PHKG2: variants seen among roughly 807,000 people sequenced by gnomAD.
The protein encoded by PHKG2 is phosphorylase b kinase gamma catalytic chain, liver/testis isoform.
Under a neutral mutation model 44.5 loss-of-function variants are expected in PHKG2, and 28 were observed. That is an observed-to-expected ratio of 0.63 (90% CI 0.47 to 0.86). PHKG2 has a LOEUF of 0.86. PHKG2 is among the 40% of genes least tolerant of loss of function. The pLI, the probability that PHKG2 is intolerant of heterozygous loss-of-function variation, is 0.00. For synonymous variants in PHKG2, 220 were observed against 211.2 expected (o/e 1.04, Z -0.36); for missense variants, 498 against 547.5 (o/e 0.91, Z 0.90).
rs2053556296 is a variant in PHKG2, at chr16:30,758,993, G to A, written c.*1896G>A. The A allele has an allele frequency of 6.2e-7, 1 of 1,614,062 alleles. No homozygotes were observed. The highest frequency in any genetic ancestry group is 8.5e-7 in the Non-Finnish European group (1 of 1,179,972). On this transcript the variant is annotated 3_prime_UTR_variant, in exon 10 of 10. Transcript: ENST00000563588. ...CCTGCTCAGAGGGACAGGGCAGCCTGCCCTCTCCAGATCCTCACTTGGCTC... is the reference window on the plus strand; with the variant it reads ...CCTGCTCAGAGGGACAGGGCAGCCTACCCTCTCCAGATCCTCACTTGGCTC...
chr16:30,760,386 G>A lies in PHKG2; in HGVS notation c.*3289G>A, dbSNP rs769218304. 1 of 1,614,070 alleles carries A rather than the reference G, an allele frequency of 6.2e-7. No individual in the cohort carries two copies. Among genetic ancestry groups the A allele is most frequent in the African/African-American group, 1.3e-5 (1 of 74,926 alleles). On this transcript the variant is annotated 3_prime_UTR_variant, in exon 10 of 10. Transcript: ENST00000563588. ...CAGAAAATGAGCGCGTGGCAGAAGA[G>A]GTCCAGGGTGATGGCGTCCCTCAGG...
At chr16:30,749,052 G>GCTGC (rs1567259376) in intron 2 of PHKG2, 137 bp downstream of exon 2, 1 of 139,498 alleles carries the variant, frequency 7.2e-6, no homozygotes, top group Non-Finnish European at 1.5e-5. Flanking sequence ...GGTGGTGGTG[G>GCTGC]TGGTGGTGGT....
chr16:30,756,987 G>A lies in PHKG2; in HGVS notation c.1111G>A (p.Ala371Thr). The change falls in exon 10 of 10, where the codon GCG becomes ACG. Residue 371 changes from alanine (A) to threonine (T), a missense_variant. Coordinates refer to ENST00000563588, the MANE Select transcript of PHKG2 (RefSeq NM_000294.3). The stretch of plus-strand genomic sequence containing the variant: ...AAAGAAAGGGGAGCAGCAGAACCGG[G>A]CGGCTCTCTTTCAGCACCGGCCCCC... ...WVKKGEQQNR[A>T]ALFQHRPPGP... 6.2e-7 allele frequency: 1 copy of A among 1,612,324 alleles called. No homozygotes were observed. The highest frequency in any genetic ancestry group is 8.5e-7 in the Non-Finnish European group (1 of 1,180,026).
rs2053575776 is a variant in PHKG2, at chr16:30,759,306, G to A, written c.*2209G>A. 6.2e-7 allele frequency: 1 copy of A among 1,612,684 alleles called. No homozygotes were observed. The highest frequency in any genetic ancestry group is 8.5e-7 in the Non-Finnish European group (1 of 1,178,852). ...TGCACCTGTGCTGAGGGGAGGGGCG[G>A]TTGAGGGTGGCTCCTCATGGTCCAC... On this transcript the variant is annotated 3_prime_UTR_variant, in exon 10 of 10. Coordinates refer to ENST00000563588, the MANE Select transcript of PHKG2 (RefSeq NM_000294.3).
At position 30,748,488 on chromosome 16, in the gene PHKG2, C is replaced by G. The variant is rs534374752; in HGVS notation, c.-21C>G. Reference sequence around the variant, plus strand: ...ACCCTGGCTCCTCTGCCTGCCCCCTCAGGTGAGCCTGCGCTAGACCCCCGT... The same window carrying G: ...ACCCTGGCTCCTCTGCCTGCCCCCTGAGGTGAGCCTGCGCTAGACCCCCGT... On this transcript the variant is annotated splice_region_variant and 5_prime_UTR_variant, in exon 1 of 10. Coordinates refer to ENST00000563588, the MANE Select transcript of PHKG2 (RefSeq NM_000294.3). The G allele has an allele frequency of 6.0e-5, 24 of 401,956 alleles. No individual in the cohort carries two copies. The highest frequency in any genetic ancestry group is 3.7e-4 in the Admixed American group (9 of 24,328). The allele number at this position is 401,956 out of a possible 1,614,324, so 24.9% of individuals were successfully genotyped here.
At position 30,757,201 on chromosome 16, in the gene PHKG2, G is replaced by T; in HGVS notation, c.*104G>T. The T allele has an allele frequency of 6.3e-7, 1 of 1,596,294 alleles. No homozygotes were observed. On this transcript the variant is annotated 3_prime_UTR_variant, in exon 10 of 10. Transcript: ENST00000563588. Reference sequence around the variant, plus strand: ...GGCCTCTGGCCTCAGGCCCACTAATGATCCTGCTACCCTCTTGAAGACCAG... The same window carrying T: ...GGCCTCTGGCCTCAGGCCCACTAATTATCCTGCTACCCTCTTGAAGACCAG...
Position 30,760,227 on chromosome 16 carries a change from G to A in PHKG2, c.*3130G>A. 2 of 1,612,974 alleles carry A rather than the reference G, an allele frequency of 1.2e-6. No homozygotes were observed. Among genetic ancestry groups the A allele is most frequent in the Non-Finnish European group, 1.7e-6 (2 of 1,180,000 alleles). On this transcript the variant is annotated 3_prime_UTR_variant, in exon 10 of 10. Transcript: ENST00000563588. ...GCTTCTGCTTCCCATGGTCACTTGT[G>A]CCAGGCCCGGTTCCTCTTCTCCCTG...
intron 4 of PHKG2, chr16:30,751,994 G>A: frequency 3.3e-6 from 1 of 303,212 alleles, no homozygotes; most frequent in African/African-American, 2.2e-5. Flanking sequence ...TCGGGAGGCT[G>A]AGGCAGGAGA....
chr16:30,757,327 A>C lies in PHKG2; in HGVS notation c.*230A>C. On this transcript the variant is annotated 3_prime_UTR_variant, in exon 10 of 10. Coordinates refer to ENST00000563588, the MANE Select transcript of PHKG2 (RefSeq NM_000294.3). Reference sequence around the variant, plus strand: ...GCCTGGCCCGGTCAGTGCTGCATGCACTGCATATGAAATAAAATCTGCTAC... The same window carrying C: ...GCCTGGCCCGGTCAGTGCTGCATGCCCTGCATATGAAATAAAATCTGCTAC... The C allele has an allele frequency of 2.6e-6, 4 of 1,528,756 alleles. No individual in the cohort carries two copies. Among genetic ancestry groups the C allele is most frequent in the Non-Finnish European group, 3.5e-6 (4 of 1,143,276 alleles). 94.7% of individuals were successfully genotyped at this position (1,528,756 alleles called of 1,614,324 possible).
In PHKG2 at chr16:30,749,096, GCTGCTGCTGC is replaced by G. The variant is rs1567259518; in HGVS notation, c.95+182_95+191del. ...TGGTGGTGGTGGTGGTGGTGCTGCTGCTGCTGCTGCTGCTGGTGGTGCTGGTGCTGGTGGT... is the reference window on the plus strand; with the variant it reads ...TGGTGGTGGTGGTGGTGGTGCTGCTGTGCTGGTGGTGCTGGTGCTGGTGGT... On this transcript the variant is annotated intron_variant, in intron 2 of 9. Transcript: ENST00000563588. Among the ~76,000 whole-genome samples, 199 of 57,374 alleles carry G rather than the reference GCTGCTGCTGC, an allele frequency of 3.5e-3. 61 individuals carry two copies. Among genetic ancestry groups the G allele is most frequent in the African/African-American group, 0.01 (179 of 17,878 alleles). The allele number at this position is 57,374 out of a possible 152,430, so 37.6% of individuals were successfully genotyped here. A position where few individuals can be genotyped will look rare whatever the true frequency, so the allele number is the denominator to read the frequency against.
Position 30,754,159 on chromosome 16 carries a change from T to C in PHKG2, c.556+602T>C, listed in dbSNP as rs1026532516. 4.5e-4 allele frequency among the ~76,000 whole-genome samples: 68 copies of C among 150,074 alleles called. 1 individual carries two copies. The highest frequency in any genetic ancestry group is 2.7e-3 in the East Asian group (14 of 5,154). ...CTGTGAGGCAGGCACCAGTCTTTTTTTTTCTTTTTTCTTTTTTTTTTTTTG... is the reference window on the plus strand; with the variant it reads ...CTGTGAGGCAGGCACCAGTCTTTTTCTTTCTTTTTTCTTTTTTTTTTTTTG... On this transcript the variant is annotated intron_variant, in intron 6 of 9. Transcript: ENST00000563588.
rs2053423487 is a variant in PHKG2 at position 30,756,209 on chromosome 16, C to T, written c.584C>T (p.Ala195Val). 1.2e-6 allele frequency: 2 copies of T among 1,614,054 alleles called. No homozygotes were observed. Among genetic ancestry groups the T allele is most frequent in the Middle Eastern group, 1.6e-4 (1 of 6,062 alleles). Residue 195 changes from alanine (A) to valine (V), a missense_variant, in exon 7 of 10, where the codon GCG becomes GTG. By Grantham distance (64) the Ala-to-Val change is moderately conservative. Transcript: ENST00000563588. Reference sequence around the variant, plus strand: ...TTGTGTGGGACCCCAGGGTATCTAGCGCCAGAGATCCTTAAATGCTCCATG... The same window carrying T: ...TTGTGTGGGACCCCAGGGTATCTAGTGCCAGAGATCCTTAAATGCTCCATG... ...RELCGTPGYLAPEILKCSMDE... is the reference protein window; with the variant it reads ...RELCGTPGYLVPEILKCSMDE...
At position 30,759,653 on chromosome 16, in the gene PHKG2, C is replaced by T; in HGVS notation, c.*2556C>T. 6.2e-7 allele frequency: 1 copy of T among 1,614,038 alleles called. No individual in the cohort carries two copies. Among genetic ancestry groups the T allele is most frequent in the Non-Finnish European group, 8.5e-7 (1 of 1,180,036 alleles). The stretch of plus-strand genomic sequence containing the variant: ...TTCCAGAATGTTCCAGGGGAACTGA[C>T]CCTGACTCCATGGCAAAAAAGGACA... On this transcript the variant is annotated 3_prime_UTR_variant, in exon 10 of 10. Coordinates refer to ENST00000563588, the MANE Select transcript of PHKG2 (RefSeq NM_000294.3).
chr16:30,758,885 C>T lies in PHKG2; in HGVS notation c.*1788C>T, dbSNP rs1393537234. On this transcript the variant is annotated 3_prime_UTR_variant, in exon 10 of 10. Coordinates refer to ENST00000563588, the MANE Select transcript of PHKG2 (RefSeq NM_000294.3). ...TTTTATCTGTCATCTTGGACTTCTG[C>T]ATAAGGGATCATTTAGAGAAAGGAC... 17 of 1,471,568 alleles carry T rather than the reference C, an allele frequency of 1.2e-5. No individual in the cohort carries two copies. Among genetic ancestry groups the T allele is most frequent in the African/African-American group, 8.4e-5 (6 of 71,244 alleles). The allele number at this position is 1,471,568 out of a possible 1,614,324, so 91.2% of individuals were successfully genotyped here. A position where few individuals can be genotyped will look rare whatever the true frequency, so the allele number is the denominator to read the frequency against.
intron 2 of PHKG2, 75 bp from the exon 3 acceptor site, chr16:30,751,031 G>C (rs920374941): frequency 2.0e-6 from 3 of 1,475,386 alleles, no homozygotes; most frequent in African/African-American, 2.8e-5. Flanking sequence ...GCGGGCATGA[G>C]GATGCTGAGG....
In PHKG2 at chr16:30,756,377, G is replaced by T. The variant is rs983083216; in HGVS notation, c.658G>T (p.Gly220Trp). ...CAGTCTCTTTCCCAGCTGGGCCTGTGGGGTGATCTTGTTCACACTCCTGGC... is the reference window on the plus strand; with the variant it reads ...CAGTCTCTTTCCCAGCTGGGCCTGTTGGGTGATCTTGTTCACACTCCTGGC... ...YGKEVDLWAC[G>W]VILFTLLAGS... Residue 220 changes from glycine (G) to tryptophan (W), a missense_variant, in exon 8 of 10, where the codon GGG (glycine) becomes TGG (tryptophan). Physicochemically the swap from Gly to Trp is radical, Grantham distance 184 (BLOSUM62 -2). Coordinates refer to ENST00000563588, the MANE Select transcript of PHKG2 (RefSeq NM_000294.3). 6.2e-7 allele frequency: 1 copy of T among 1,613,980 alleles called. No homozygotes were observed. The highest frequency in any genetic ancestry group is 1.3e-5 in the African/African-American group (1 of 74,902).
intron 4 of PHKG2, chr16:30,752,905 T>C (rs886597401): frequency 2.5e-6 from 1 of 399,594 alleles, no homozygotes; most frequent in African/African-American, 2.0e-5. Flanking sequence ...AAAACTGAAA[T>C]TTTGGTCCAT....
In PHKG2 at chr16:30,761,117, T is replaced by A. The variant is rs1341176053; in HGVS notation, c.*4020T>A. ...CTCAGTCTCATCTGTAAAATGGGGATGCCCTGGCCACAGACAGGACTGTTG... is the reference window on the plus strand; with the variant it reads ...CTCAGTCTCATCTGTAAAATGGGGAAGCCCTGGCCACAGACAGGACTGTTG... On this transcript the variant is annotated 3_prime_UTR_variant, in exon 10 of 10. Transcript: ENST00000563588. The A allele has an allele frequency of 2.7e-6, 4 of 1,502,414 alleles. No homozygotes were observed. In the Admixed American group the frequency reaches 7.0e-5, roughly 26 times the overall value. 93.1% of individuals were successfully genotyped at this position (1,502,414 alleles called of 1,614,324 possible). A position where few individuals can be genotyped will look rare whatever the true frequency, so the allele number is the denominator to read the frequency against.
rs2053625524 is a variant in PHKG2 at position 30,759,861 on chromosome 16, A to G, written c.*2764A>G. 12 of 1,459,450 alleles carry G rather than the reference A, an allele frequency of 8.2e-6. No homozygotes were observed. In the South Asian group the frequency reaches 1.8e-4, roughly 21 times the overall value. The allele number at this position is 1,459,450 out of a possible 1,614,324, so 90.4% of individuals were successfully genotyped here. A position where few individuals can be genotyped will look rare whatever the true frequency, so the allele number is the denominator to read the frequency against. ...CAGCACTGGCTTGTTTCCTTAACTC[A>G]TGTAACAAATACTGAATACCCACTA... On this transcript the variant is annotated 3_prime_UTR_variant, in exon 10 of 10. Transcript: ENST00000563588.
Sources: gnomAD v4.1 joint callset for allele counts (sites outside exome capture counted in the v4.1 genomes callset) on GRCh38, gnomAD v4.1.1 for gene constraint, MANE v1.5 for transcripts, NCBI Gene and HGNC (gene_info 2026-07-23, HGNC 2026-07-21) for gene names.